Variants in GAS7 observed in about 807,000 individuals in gnomAD.
GAS7 encodes growth arrest-specific protein 7.
In GAS7, 28 loss-of-function variants were observed where a neutral mutation model predicts 71.1. The observed-to-expected ratio is 0.39, with a 90% confidence interval of 0.29 to 0.54. The LOEUF is 0.54. Ranked by LOEUF, GAS7 falls within the 20% of genes least tolerant of loss-of-function variation. The pLI is 0.62. For missense variants in GAS7, 436 were observed against 627.8 expected (o/e 0.69, Z 3.27); for synonymous variants, 258 against 245.8 (o/e 1.05, Z -0.46).
chr17:10,168,870 T>G (rs2074314277), intron 1 of GAS7, among the ~76,000 whole-genome samples: 1 of 146,092 alleles, frequency 6.8e-6, no homozygotes, highest in African/African-American at 2.6e-5. Flanking sequence ...CTTGGGAGGC[T>G]GAGACAGGAG....
In GAS7 at chr17:9,959,562, C is replaced by A; in HGVS notation, c.472-307G>T. The A allele has an allele frequency of 1.2e-6, 1 of 819,404 alleles. No homozygotes were observed. The highest frequency in any genetic ancestry group is 1.7e-6 in the Non-Finnish European group (1 of 592,952). The allele number at this position is 819,404 out of a possible 1,614,324, so 50.8% of individuals were successfully genotyped here. ...TTTGGGGAGTTAACCCCTCCGCTGC[C>A]CTCTGCTGGTGAACGTTCCGCGTGC... is the stretch of plus-strand genomic sequence containing the variant. On this transcript the variant is annotated intron_variant, in intron 4 of 13. Transcript: ENST00000432992. This position sits in a 1 kb window ranked among gnomAD's most constrained non-coding sequence, Gnocchi z 5.0.
chr17:10,074,239 G>C (rs575402651), intron 1 of GAS7, among the ~76,000 whole-genome samples: 2 of 152,230 alleles, frequency 1.3e-5, no homozygotes, highest in East Asian at 1.9e-4. Flanking sequence ...TGCTTTTCTT[G>C]CTCCCTCCCA....
intron 2 of GAS7, among the ~76,000 whole-genome samples, chr17:10,006,063 T>C (rs2071515362): frequency 6.6e-6 from 1 of 152,048 alleles, no homozygotes; most frequent in Non-Finnish European, 1.5e-5. Context: ...TAATGAATGG[T>C]AAAGAGACAA....
rs567038751 is a variant in GAS7, at chr17:10,084,081, T to C, written c.184-64184A>G. 8.5e-5 allele frequency among the ~76,000 whole-genome samples: 13 copies of C among 152,268 alleles called. No homozygotes were observed. The East Asian group carries it at 1.7e-3, about 20-fold the overall frequency. On this transcript the variant is annotated intron_variant, in intron 1 of 13. Transcript: ENST00000432992. ...TCACAGGGAGGCTGCGGCATGAGGATTGCTTAAACCTGGGTGGTGGAATTT... is the reference window on the plus strand; with the variant it reads ...TCACAGGGAGGCTGCGGCATGAGGACTGCTTAAACCTGGGTGGTGGAATTT...
At chr17:10,025,815 T>C (rs935935009) in intron 1 of GAS7, among the ~76,000 whole-genome samples, 1 of 152,158 alleles carries the variant, frequency 6.6e-6, no homozygotes, top group Non-Finnish European at 1.5e-5. Context: ...AGCCACTCCG[T>C]TGCAGCATTA....
At chr17:10,059,946 G>T (rs2073201132) in intron 1 of GAS7, 3 of 342,454 alleles carry the variant, frequency 8.8e-6, no homozygotes, top group Non-Finnish European at 1.2e-5. Flanking sequence ...TTCCAGGGCA[G>T]CTGGGCCCTT....
At chr17:9,966,255 C>T (rs1249093224) in intron 4 of GAS7, among the ~76,000 whole-genome samples, 3 of 151,880 alleles carry the variant, frequency 2.0e-5, no homozygotes, top group Non-Finnish European at 4.4e-5. Flanking sequence ...GCCTCGGCCT[C>T]CCAAAGTGCT....
chr17:10,017,687 T>C (rs890532584), intron 2 of GAS7, among the ~76,000 whole-genome samples: 3 of 152,222 alleles, frequency 2.0e-5, no homozygotes, highest in African/African-American at 4.8e-5. Context: ...TTCGGATCCA[T>C]AGATAAAGTC....
rs191586216 is a variant in GAS7, at chr17:9,953,284, T to C, written c.525+5918A>G. 6.6e-5 allele frequency among the ~76,000 whole-genome samples: 10 copies of C among 152,248 alleles called. No homozygotes were observed. In the East Asian group the frequency reaches 1.9e-3, roughly 29 times the overall value. Reference sequence around the variant, plus strand: ...GGGCAGAAGAGTAAAGGCAGTAGAATGTGAGGACTCATTAAGGACTCATCA... The same window carrying C: ...GGGCAGAAGAGTAAAGGCAGTAGAACGTGAGGACTCATTAAGGACTCATCA... On this transcript the variant is annotated intron_variant, in intron 5 of 13. Coordinates refer to ENST00000432992, the MANE Select transcript of GAS7 (RefSeq NM_201433.2).
At chr17:9,945,566 T>C (rs1470960816) in intron 6 of GAS7, among the ~76,000 whole-genome samples, 1 of 151,970 alleles carries the variant, frequency 6.6e-6, no homozygotes, top group Non-Finnish European at 1.5e-5. Context: ...AATTGTGCCT[T>C]GGTGAGAGGT....
intron 1 of GAS7, among the ~76,000 whole-genome samples, chr17:10,144,988 G>GGCAACTGGATGAGGAAGGACGGA (rs1481061475): frequency 6.6e-6 from 1 of 152,260 alleles, no homozygotes; most frequent in Non-Finnish European, 1.5e-5. Context: ...ATCAGAGACA[G>GGCAACTGGATGAGGAAGGACGGA]GCAACTGGAT....
intron 1 of GAS7, among the ~76,000 whole-genome samples, chr17:10,071,448 G>C (rs571907531): frequency 6.6e-6 from 1 of 152,284 alleles, no homozygotes; most frequent in Non-Finnish European, 1.5e-5. Flanking sequence ...CCATGTCACA[G>C]AGAACAGCCA....
Position 9,926,778 on chromosome 17 carries a change from A to C in GAS7, c.886-9T>G, listed in dbSNP as rs1232417919. 6.2e-7 allele frequency: 1 copy of C among 1,613,980 alleles called. No homozygotes were observed. The highest frequency in any genetic ancestry group is 2.2e-5 in the East Asian group (1 of 44,852). ...TCCACCTCGCTGTGAAGCTGTTGGGAGAGTAGAGACGCACACTCAGGACCC... is the reference window on the plus strand; with the variant it reads ...TCCACCTCGCTGTGAAGCTGTTGGGCGAGTAGAGACGCACACTCAGGACCC... On this transcript the variant is annotated splice_polypyrimidine_tract_variant and intron_variant, in intron 9 of 13. Transcript: ENST00000432992. This position sits in a 1 kb window ranked among gnomAD's most constrained non-coding sequence, Gnocchi z 5.0.
intron 9 of GAS7, among the ~76,000 whole-genome samples, chr17:9,931,822 C>T (rs1472231040): frequency 6.6e-6 from 1 of 152,202 alleles, no homozygotes; most frequent in Non-Finnish European, 1.5e-5. Context: ...GCTCTGTTCC[C>T]TCTTCCAACC....
intron 9 of GAS7, among the ~76,000 whole-genome samples, chr17:9,929,902 T>C (rs1207156862): frequency 6.6e-6 from 1 of 152,194 alleles, no homozygotes; most frequent in Non-Finnish European, 1.5e-5. Flanking sequence ...TTCCTCAAAG[T>C]GTCCTCACAG....
In GAS7 at chr17:9,914,120, A is replaced by G. The variant is rs2067515800; in HGVS notation, c.*3108T>C. 1 of 227,114 alleles carries G rather than the reference A, an allele frequency of 4.4e-6. No individual in the cohort carries two copies. The highest frequency in any genetic ancestry group is 8.8e-6 in the Non-Finnish European group (1 of 114,196). The allele number at this position is 227,114 out of a possible 1,614,324, so 14.1% of individuals were successfully genotyped here. A position where few individuals can be genotyped will look rare whatever the true frequency, so the allele number is the denominator to read the frequency against. ...TTCAACCAGAAACGGGCCCCTGTTC[A>G]TACGGATAGGGGTTCTGGACTGTTG... On this transcript the variant is annotated 3_prime_UTR_variant, in exon 14 of 14. Coordinates refer to ENST00000432992, the MANE Select transcript of GAS7 (RefSeq NM_201433.2).
chr17:10,010,285 G>T (rs1414015944), intron 2 of GAS7, among the ~76,000 whole-genome samples: 1 of 152,028 alleles, frequency 6.6e-6, no homozygotes, highest in Non-Finnish European at 1.5e-5. Context: ...GAGTAGCTGG[G>T]ACTTACAGGC....
At chr17:10,166,373 T>A (rs2074294303) in intron 1 of GAS7, among the ~76,000 whole-genome samples, 1 of 152,220 alleles carries the variant, frequency 6.6e-6, no homozygotes, top group Admixed American at 6.5e-5. Flanking sequence ...AGGGACCTCC[T>A]TCAACTCACT....
At chr17:10,130,100 T>C (rs2320485) in intron 1 of GAS7, among the ~76,000 whole-genome samples, 145,468 of 151,496 alleles carry the variant, frequency 0.96, 69,846 homozygotes, top group South Asian at 0.99. Flanking sequence ...ACCCGGGAGG[T>C]GGAGGTTGCA....
Sources: gnomAD v4.1 joint callset for allele counts (sites outside exome capture counted in the v4.1 genomes callset) on GRCh38, gnomAD v4.1.1 for gene constraint, Gnocchi (gnomAD v3.1) non-coding constraint, MANE v1.5 for transcripts, NCBI Gene and HGNC (gene_info 2026-07-23, HGNC 2026-07-21) for gene names.